MRPS16: variants seen among roughly 807,000 people sequenced by gnomAD.
MRPS16 encodes the protein small ribosomal subunit protein bS16m.
Under a neutral mutation model 11.0 loss-of-function variants are expected in MRPS16, and 5 were observed. The observed-to-expected ratio is 0.46, with a 90% CI of 0.24 to 0.96. MRPS16 has a LOEUF of 0.96. Among genes scored for constraint, MRPS16 ranks in the 40% least tolerant of loss-of-function variants. MRPS16 has a pLI of 0.20. For missense variants in MRPS16, 179 were observed against 174.4 expected (o/e 1.03, Z -0.15); for synonymous variants, 76 against 65.0 (o/e 1.17, Z -0.81).
chr10:73,251,351 A>C (rs2044091085), intron 2 of MRPS16, among the ~76,000 whole-genome samples: 1 of 152,108 alleles, frequency 6.6e-6, no homozygotes, highest in Admixed American at 6.5e-5. Flanking sequence ...TTCAGTCCTG[A>C]ACAGCCTAGA....
chr10:73,251,896 G>GA lies in MRPS16; in HGVS notation c.140dup (p.Val48ArgfsTer8). On this transcript the variant is annotated frameshift_variant, in exon 2 of 3. Transcript: ENST00000372945. LOFTEE classifies it high-confidence loss of function. Reference sequence around the variant, plus strand: ...GATCATAGGAGCCCAGCTGCTCTACGAAACGGCCATCCCTGGGACACTTGT... The same window carrying GA: ...GATCATAGGAGCCCAGCTGCTCTACGAAAACGGCCATCCCTGGGACACTTGT... 6.2e-7 allele frequency: 1 copy of GA among 1,614,170 alleles called. No homozygotes were observed. The highest frequency in any genetic ancestry group is 8.5e-7 in the Non-Finnish European group (1 of 1,180,032).
Position 73,249,408 on chromosome 10 carries a change from A to T in MRPS16, c.*1444T>A. On this transcript the variant is annotated 3_prime_UTR_variant, in exon 3 of 3. Coordinates refer to ENST00000372945, the MANE Select transcript of MRPS16 (RefSeq NM_016065.4). The stretch of plus-strand genomic sequence containing the variant: ...TTCAAACTATAAAGATCCCTTATAG[A>T]TTACTGGCATCAAGGTAGGAAGGAA... The T allele has an allele frequency of 8.0e-6, 10 of 1,255,780 alleles. No individual in the cohort carries two copies. The highest frequency in any genetic ancestry group is 5.5e-5 in the South Asian group (4 of 73,076). 77.8% of individuals were successfully genotyped at this position (1,255,780 alleles called of 1,614,324 possible). A position where few individuals can be genotyped will look rare whatever the true frequency, so the allele number is the denominator to read the frequency against.
intron 1 of MRPS16, 66 bp downstream of exon 1, chr10:73,252,404 C>T (rs928610632): frequency 6.2e-7 from 1 of 1,604,218 alleles, no homozygotes; most frequent in Non-Finnish European, 8.5e-7. Context: ...GAGCTCTCCC[C>T]ACCCGGCCCC....
Position 73,249,805 on chromosome 10 carries a change from T to G in MRPS16, c.*1047A>C, listed in dbSNP as rs1203692429. On this transcript the variant is annotated 3_prime_UTR_variant, in exon 3 of 3. Transcript: ENST00000372945. ...TAAGAATATGCATTAAGGCTAGGAGTGGTGGCTCACGCCAGTAATCCTAGC... is the reference window on the plus strand; with the variant it reads ...TAAGAATATGCATTAAGGCTAGGAGGGGTGGCTCACGCCAGTAATCCTAGC... 1.3e-5 allele frequency: 2 copies of G among 153,160 alleles called. No individual in the cohort carries two copies. The highest frequency in any genetic ancestry group is 4.8e-5 in the African/African-American group (2 of 41,410). 9.5% of individuals were successfully genotyped at this position (153,160 alleles called of 1,614,324 possible).
rs1416745935 is a variant in MRPS16, at chr10:73,249,900, C to A, written c.*952G>T. On this transcript the variant is annotated 3_prime_UTR_variant, in exon 3 of 3. Transcript: ENST00000372945. ...CCATCCTGGCCAACACGGTGAAACC[C>A]CATCTCTACTAAAAATACAAAAATT... 1.3e-5 allele frequency: 2 copies of A among 151,314 alleles called. No homozygotes were observed. Among genetic ancestry groups the A allele is most frequent in the African/African-American group, 4.8e-5 (2 of 41,336 alleles). The allele number at this position is 151,314 out of a possible 1,614,324, so 9.4% of individuals were successfully genotyped here.
Position 73,251,758 on chromosome 10 carries a change from G to A in MRPS16, c.274+5C>T. ...CTCAATAAGGTAAGACCAGAGCTGA[G>A]TTACCCAGAAGCTTTTCCATAGGCT... On this transcript the variant is annotated splice_donor_5th_base_variant and intron_variant, in intron 2 of 2. Coordinates refer to ENST00000372945, the MANE Select transcript of MRPS16 (RefSeq NM_016065.4). 3 of 1,614,134 alleles carry A rather than the reference G, an allele frequency of 1.9e-6. No individual in the cohort carries two copies. Among genetic ancestry groups the A allele is most frequent in the Non-Finnish European group, 2.5e-6 (3 of 1,180,028 alleles).
rs2044076381 is a variant in MRPS16, at chr10:73,250,627, A to G, written c.*225T>C. On this transcript the variant is annotated 3_prime_UTR_variant, in exon 3 of 3. Coordinates refer to ENST00000372945, the MANE Select transcript of MRPS16 (RefSeq NM_016065.4). ...TCCAATCCTCCCATAGCCACTGTCT[A>G]TCCCAAGACAAAGTCGAAAAAAGCT... is the stretch of plus-strand genomic sequence containing the variant. The G allele has an allele frequency of 9.1e-6, 5 of 551,332 alleles. No individual in the cohort carries two copies. The highest frequency in any genetic ancestry group is 1.6e-5 in the Non-Finnish European group (5 of 310,302). The allele number at this position is 551,332 out of a possible 1,614,324, so 34.2% of individuals were successfully genotyped here. A position where few individuals can be genotyped will look rare whatever the true frequency, so the allele number is the denominator to read the frequency against.
Position 73,250,050 on chromosome 10 carries a change from A to G in MRPS16, c.*802T>C, listed in dbSNP as rs1399198809. The G allele has an allele frequency of 6.6e-6, 1 of 152,340 alleles. No homozygotes were observed. Among genetic ancestry groups the G allele is most frequent in the African/African-American group, 2.4e-5 (1 of 41,440 alleles). The allele number at this position is 152,340 out of a possible 1,614,324, so 9.4% of individuals were successfully genotyped here. On this transcript the variant is annotated 3_prime_UTR_variant, in exon 3 of 3. Coordinates refer to ENST00000372945, the MANE Select transcript of MRPS16 (RefSeq NM_016065.4). ...GTGAAACCCCATCTCTACTAAAAAT[A>G]CAAAAAAATTAGCTGGGTGTGGTGG...
rs778852449 is a variant in MRPS16 at position 73,249,557 on chromosome 10, A to C, written c.*1295T>G. On this transcript the variant is annotated 3_prime_UTR_variant, in exon 3 of 3. Transcript: ENST00000372945. ...AAAATTACCAGCAAGAAAGAAAAGT[A>C]CAAGAATAAGGTTCACAGCTGAATT... 5.9e-6 allele frequency: 3 copies of C among 507,324 alleles called. No individual in the cohort carries two copies. Among genetic ancestry groups the C allele is most frequent in the African/African-American group, 5.8e-5 (3 of 51,434 alleles). 31.4% of individuals were successfully genotyped at this position (507,324 alleles called of 1,614,324 possible). A position where few individuals can be genotyped will look rare whatever the true frequency, so the allele number is the denominator to read the frequency against.
intron 1 of MRPS16, 145 bp downstream of exon 1, chr10:73,252,325 C>T (rs892123829): frequency 3.9e-6 from 5 of 1,293,602 alleles, no homozygotes; most frequent in Non-Finnish European, 5.4e-6. Flanking sequence ...GGGGAAAAAA[C>T]TGAGAGAAGG....
Position 73,251,896 on chromosome 10 carries a change from G to T in MRPS16, c.141C>A (p.Phe47Leu), listed in dbSNP as rs759572890. The change falls in exon 2 of 3, where the codon TTC becomes TTA. Residue 47 changes from phenylalanine (F) to leucine (L), a missense_variant. By Grantham distance (22) the Phe-to-Leu change is conservative (BLOSUM62 0). Coordinates refer to ENST00000372945, the MANE Select transcript of MRPS16 (RefSeq NM_016065.4). ...AHNKCPRDGRFVEQLGSYDPL... is the reference protein window; with the variant it reads ...AHNKCPRDGRLVEQLGSYDPL... Reference sequence around the variant, plus strand: ...GATCATAGGAGCCCAGCTGCTCTACGAAACGGCCATCCCTGGGACACTTGT... The same window carrying T: ...GATCATAGGAGCCCAGCTGCTCTACTAAACGGCCATCCCTGGGACACTTGT... 6.2e-7 allele frequency: 1 copy of T among 1,614,170 alleles called. No homozygotes were observed. Among genetic ancestry groups the T allele is most frequent in the East Asian group, 2.2e-5 (1 of 44,868 alleles).
intron 1 of MRPS16, 135 bp from the exon 2 acceptor site, chr10:73,252,158 C>G (rs2044121430): frequency 7.3e-7 from 1 of 1,372,944 alleles, no homozygotes; most frequent in Admixed American, 2.0e-5. Flanking sequence ...AGATGCTACT[C>G]TTCTTTGTGA....
intron 2 of MRPS16, among the ~76,000 whole-genome samples, chr10:73,251,374 A>G (rs1370014318): frequency 6.7e-6 from 1 of 150,088 alleles, no homozygotes; most frequent in Non-Finnish European, 1.5e-5. Context: ...GAATGAAATA[A>G]CTCTTTTTTT....
chr10:73,252,199 ACCT>A (rs990208772), intron 1 of MRPS16, 176 bp from the exon 2 acceptor site: 3 of 1,110,366 alleles, frequency 2.7e-6, no homozygotes, highest in Admixed American at 2.0e-5. Flanking sequence ...GCCAGCAATG[ACCT>A]CCTCCTCATA....
Position 73,252,632 on chromosome 10 carries a change from T to C in MRPS16, c.-150A>G. ...GCGGTACAAGCCCGAAAACCTCGAC[T>C]CCGGAAGCGGATGATCCGCTCGCCA... On this transcript the variant is annotated 5_prime_UTR_variant, in exon 1 of 3. Coordinates refer to ENST00000372945, the MANE Select transcript of MRPS16 (RefSeq NM_016065.4). 6 of 1,138,042 alleles carry C rather than the reference T, an allele frequency of 5.3e-6. No individual in the cohort carries two copies. Among genetic ancestry groups the C allele is most frequent in the South Asian group, 1.4e-5 (1 of 73,576 alleles). 70.5% of individuals were successfully genotyped at this position (1,138,042 alleles called of 1,614,324 possible).
chr10:73,249,443 G>C lies in MRPS16; in HGVS notation c.*1409C>G, dbSNP rs2044055234. On this transcript the variant is annotated 3_prime_UTR_variant, in exon 3 of 3. Coordinates refer to ENST00000372945, the MANE Select transcript of MRPS16 (RefSeq NM_016065.4). ...TCAAGGTAGGAAGGAAAAGATACAA[G>C]AAGTAAAATGCAACACTCATTACAG... The C allele has an allele frequency of 1.1e-6, 1 of 912,518 alleles. No homozygotes were observed. The highest frequency in any genetic ancestry group is 1.6e-6 in the Non-Finnish European group (1 of 621,828). The allele number at this position is 912,518 out of a possible 1,614,324, so 56.5% of individuals were successfully genotyped here.
At position 73,252,573 on chromosome 10, in the gene MRPS16, G is replaced by C. The variant is rs2044136799; in HGVS notation, c.-91C>G. 10 of 1,546,252 alleles carry C rather than the reference G, an allele frequency of 6.5e-6. No individual in the cohort carries two copies. The South Asian group carries it at 9.2e-5, about 14-fold the overall frequency. On this transcript the variant is annotated 5_prime_UTR_variant, in exon 1 of 3. Coordinates refer to ENST00000372945, the MANE Select transcript of MRPS16 (RefSeq NM_016065.4). ...GCAGGGCAGAGAACAAACACAGAAA[G>C]AACCTGCAAGCCGACACCAGGCCGC... is the stretch of plus-strand genomic sequence containing the variant.
chr10:73,252,319 A>G (rs1052396491), intron 1 of MRPS16, 151 bp downstream of exon 1: 31 of 1,272,346 alleles, frequency 2.4e-5, no homozygotes, highest in Non-Finnish European at 3.4e-5. Context: ...TTAAGTGGGG[A>G]AAAAACTGAG....
Position 73,251,947 on chromosome 10 carries a change from CGGCCGA to C in MRPS16, c.84_89del (p.Asn28_Pro30delinsLys), listed in dbSNP as rs781385186. On this transcript the variant is annotated inframe_deletion, in exon 2 of 3. Transcript: ENST00000372945. ...TGTGAGCAGCCACAATGCGGTAGAACGGCCGATTGGTGCAGCCACCCAGGGCAAGGC... is the reference window on the plus strand; with the variant it reads ...TGTGAGCAGCCACAATGCGGTAGAACTTGGTGCAGCCACCCAGGGCAAGGC... 2.5e-6 allele frequency: 4 copies of C among 1,614,178 alleles called. No homozygotes were observed. In the South Asian group the frequency reaches 4.4e-5, roughly 18 times the overall value.
Sources: allele counts gnomAD v4.1 joint callset (sites outside exome capture counted in the v4.1 genomes callset), GRCh38; gene constraint gnomAD v4.1.1; transcripts MANE v1.5; gene names NCBI Gene and HGNC (gene_info 2026-07-23, HGNC 2026-07-21).